The following ATP2B2 variants were observed in gnomAD, a reference collection of about 807,000 sequenced individuals.
The protein encoded by ATP2B2 is ATPase plasma membrane Ca2+ transporting 2, also known as plasma membrane calcium-transporting ATPase 2.
In ATP2B2, 15 loss-of-function variants were observed where a neutral mutation model predicts 120.0. That is an observed-to-expected ratio of 0.12 (90% CI 0.08 to 0.19). The LOEUF (loss-of-function observed/expected upper bound fraction) is 0.19. Among genes scored for constraint, ATP2B2 ranks in the 10% least tolerant of loss-of-function variants. The probability of loss-of-function intolerance (pLI) is 1.00; values close to 1 mark genes in which losing one functional copy is unlikely to be tolerated. For missense variants in ATP2B2, 1,045 were observed against 1,719.8 expected (o/e 0.61, Z 6.94); for synonymous variants, 694 against 700.3 (o/e 0.99, Z 0.14).
intron 22 of ATP2B2, chr3:10,330,303 C>G (rs992319413): frequency 6.5e-6 from 1 of 154,412 alleles, no homozygotes; most frequent in Non-Finnish European, 1.5e-5. Context: ...CATCCTGGCT[C>G]TGCCACATCT....
chr3:10,388,470 A>C, intron 5 of ATP2B2, 68 bp from the exon 6 acceptor site: 2 of 1,612,368 alleles, frequency 1.2e-6, no homozygotes, highest in South Asian at 1.1e-5. Context: ...GGAGTGAAAA[A>C]ATGTGGTCTC....
At chr3:10,619,082 C>T (rs1422567008) in intron 2 of ATP2B2, among the ~76,000 whole-genome samples, 2 of 152,198 alleles carry the variant, frequency 1.3e-5, no homozygotes, top group African/African-American at 4.8e-5. Context: ...CAGGGAAGTG[C>T]CACCCAGGAG....
intron 2 of ATP2B2, among the ~76,000 whole-genome samples, chr3:10,606,241 C>T (rs1185666653): frequency 6.6e-6 from 1 of 152,156 alleles, no homozygotes; most frequent in Non-Finnish European, 1.5e-5. Flanking sequence ...GGTGAGATAA[C>T]GCAGCTCTCT....
intron 1 of ATP2B2, among the ~76,000 whole-genome samples, chr3:10,638,825 A>T (rs1445523333): frequency 6.6e-6 from 1 of 152,270 alleles, no homozygotes; most frequent in African/African-American, 2.4e-5. Flanking sequence ...ATATCAAAGT[A>T]GATTTCAGAG....
chr3:10,558,656 C>T (rs984415114), intron 2 of ATP2B2, among the ~76,000 whole-genome samples: 4 of 152,168 alleles, frequency 2.6e-5, no homozygotes, highest in Non-Finnish European at 5.9e-5. Context: ...TAATGGAAAC[C>T]CCCAGTTTAA....
chr3:10,623,015 A>G (rs1362348009), intron 1 of ATP2B2, among the ~76,000 whole-genome samples: 1 of 147,518 alleles, frequency 6.8e-6, no homozygotes, highest in Non-Finnish European at 1.5e-5. Flanking sequence ...GAAAGGATGT[A>G]TGGAAAACAC....
chr3:10,450,395 C>G (rs1026909890), intron 1 of ATP2B2, among the ~76,000 whole-genome samples: 1 of 152,080 alleles, frequency 6.6e-6, no homozygotes, highest in Admixed American at 6.5e-5. Flanking sequence ...CACTCTCCCC[C>G]AAATACACGG....
chr3:10,427,239 G>T (rs2063174577), intron 2 of ATP2B2, among the ~76,000 whole-genome samples: 1 of 152,212 alleles, frequency 6.6e-6, no homozygotes, highest in African/African-American at 2.4e-5. Context: ...CTCCAACTCA[G>T]CAAGTCTAAG....
At chr3:10,681,048 C>T (rs535185302) in intron 1 of ATP2B2, among the ~76,000 whole-genome samples, 2 of 152,308 alleles carry the variant, frequency 1.3e-5, no homozygotes, top group Admixed American at 6.5e-5. Context: ...CCTGCTTTCA[C>T]CATGTGATAT....
At chr3:10,332,620 A>G (rs1426354716) in intron 22 of ATP2B2, among the ~76,000 whole-genome samples, 1 of 152,096 alleles carries the variant, frequency 6.6e-6, no homozygotes, top group African/African-American at 2.4e-5. Flanking sequence ...TTTTCACGAT[A>G]TGAGGCTGTG....
At chr3:10,625,391 G>T (rs1383211132) in intron 1 of ATP2B2, among the ~76,000 whole-genome samples, 1 of 152,194 alleles carries the variant, frequency 6.6e-6, no homozygotes, top group African/African-American at 2.4e-5. Context: ...TCTTGCAGCT[G>T]CAGGGGAGAT....
chr3:10,458,337 G>A (rs571186876), intron 1 of ATP2B2, among the ~76,000 whole-genome samples: 14 of 152,326 alleles, frequency 9.2e-5, no homozygotes, highest in African/African-American at 3.1e-4. Context: ...TGGTCAGGAT[G>A]TGCAGGCTGG....
chr3:10,654,573 G>A (rs956043766), intron 1 of ATP2B2, among the ~76,000 whole-genome samples: 2 of 152,142 alleles, frequency 1.3e-5, no homozygotes, highest in Admixed American at 6.5e-5. Context: ...GGAAGATGTG[G>A]AAGAGGGGAT....
chr3:10,605,877 G>T (rs1178813006), intron 2 of ATP2B2, among the ~76,000 whole-genome samples: 3 of 152,150 alleles, frequency 2.0e-5, no homozygotes, highest in African/African-American at 7.2e-5. Flanking sequence ...TTGAACTCCT[G>T]ACCTCAAGTG....
At chr3:10,348,974 A>G (rs763347234) in intron 16 of ATP2B2, among the ~76,000 whole-genome samples, 2 of 152,242 alleles carry the variant, frequency 1.3e-5, no homozygotes, top group Non-Finnish European at 2.9e-5. Context: ...CCCAGGCCAG[A>G]TCTGCTTCCA....
At chr3:10,352,538 G>T (rs1490700081) in intron 14 of ATP2B2, among the ~76,000 whole-genome samples, 2 of 152,224 alleles carry the variant, frequency 1.3e-5, no homozygotes, top group Non-Finnish European at 2.9e-5. Context: ...TTGTTGAAGG[G>T]TTAGAGCAGG....
chr3:10,534,687 C>T (rs1245198754), intron 2 of ATP2B2, among the ~76,000 whole-genome samples: 4 of 152,036 alleles, frequency 2.6e-5, no homozygotes, highest in Admixed American at 6.5e-5. Context: ...ACTTAAATTT[C>T]CTGAGCCTCC....
At chr3:10,705,497 G>A (rs1386649980) in intron 1 of ATP2B2, among the ~76,000 whole-genome samples, 1 of 152,248 alleles carries the variant, frequency 6.6e-6, no homozygotes, top group East Asian at 1.9e-4. Context: ...GACTCTGTCT[G>A]CTCCCACTGC....
chr3:10,519,368 G>A (rs983255606), intron 3 of ATP2B2, among the ~76,000 whole-genome samples: 12 of 152,160 alleles, frequency 7.9e-5, no homozygotes, highest in South Asian at 2.1e-4. Context: ...TGCAATGTCC[G>A]GGCCTTTCAA....
Sources: gnomAD v4.1 joint callset for allele counts (sites outside exome capture counted in the v4.1 genomes callset) on GRCh38, gnomAD v4.1.1 for gene constraint, MANE v1.5 for transcripts, NCBI Gene and HGNC (gene_info 2026-07-23, HGNC 2026-07-21) for gene names.